The following ANKS1B variants were observed in gnomAD, a reference collection of about 807,000 sequenced individuals.
The protein encoded by ANKS1B is ankyrin repeat and sterile alpha motif domain containing 1B, also known as ankyrin repeat and sterile alpha motif domain-containing protein 1B.
In ANKS1B, 36 loss-of-function variants were observed where a neutral mutation model predicts 148.3. The ratio of observed to expected loss-of-function variants is 0.24; its 90% CI spans 0.19 to 0.32. The LOEUF (loss-of-function observed/expected upper bound fraction) is 0.32. Ranked by LOEUF, ANKS1B falls within the 10% of genes least tolerant of loss-of-function variation. The pLI, the probability that ANKS1B is intolerant of heterozygous loss-of-function variation, is 1.00. For missense variants in ANKS1B, 1,157 were observed against 1,542.6 expected (o/e 0.75, Z 4.19); for synonymous variants, 542 against 560.8 (o/e 0.97, Z 0.47).
intron 12 of ANKS1B, among the ~76,000 whole-genome samples, chr12:99,391,619 G>C (rs1191581510): frequency 6.6e-6 from 1 of 152,192 alleles, no homozygotes; most frequent in Non-Finnish European, 1.5e-5. Context: ...GCTTAGGTAA[G>C]CCAATAGTAT....
At chr12:98,837,295 C>T (rs1438508169) in intron 17 of ANKS1B, among the ~76,000 whole-genome samples, 1 of 151,102 alleles carries the variant, frequency 6.6e-6, no homozygotes, top group Non-Finnish European at 1.5e-5. Context: ...CGAGATTACG[C>T]CACTGCACTC....
chr12:99,921,662 T>G (rs1332926833), intron 1 of ANKS1B, among the ~76,000 whole-genome samples: 2 of 151,976 alleles, frequency 1.3e-5, no homozygotes, highest in African/African-American at 4.8e-5. Flanking sequence ...TCAAAATTAA[T>G]GAACAGAAAA....
intron 9 of ANKS1B, among the ~76,000 whole-genome samples, chr12:99,547,916 T>G (rs1353949669): frequency 6.6e-6 from 1 of 152,206 alleles, no homozygotes; most frequent in African/African-American, 2.4e-5. Flanking sequence ...ACAAAACTGT[T>G]GGCAGAAGAT....
intron 17 of ANKS1B, among the ~76,000 whole-genome samples, chr12:98,896,969 C>G (rs1043653299): frequency 6.6e-6 from 1 of 152,184 alleles, no homozygotes; most frequent in Non-Finnish European, 1.5e-5. Flanking sequence ...GCTGTCATTT[C>G]TTGGCAGTGA....
rs557490123 is a variant in ANKS1B at position 99,461,603 on chromosome 12, C to T, written c.1439-17794G>A. On this transcript the variant is annotated intron_variant, in intron 10 of 26. Transcript: ENST00000683438. ...CAGATGATGCTATAGTCCATACTTC[C>T]TCATAGCTATAATTTATGAACTTCT... Among the ~76,000 whole-genome samples, 5 of 152,156 alleles carry T rather than the reference C, an allele frequency of 3.3e-5. No individual in the cohort carries two copies. The South Asian group carries it at 8.3e-4, about 25-fold the overall frequency.
intron 14 of ANKS1B, among the ~76,000 whole-genome samples, chr12:99,213,093 T>C (rs1018969588): frequency 1.3e-5 from 2 of 152,220 alleles, no homozygotes; most frequent in African/African-American, 4.8e-5. Context: ...AAGTTTCTGC[T>C]ATTTCTCTGT....
intron 25 of ANKS1B, 149 bp downstream of exon 25, chr12:98,772,893 G>A: frequency 1.2e-6 from 1 of 813,966 alleles, no homozygotes; most frequent in Non-Finnish European, 1.8e-6. Context: ...ACTTTGTTAT[G>A]GCAGCCCTAG....
At chr12:99,243,283 T>A (rs995976394) in intron 14 of ANKS1B, among the ~76,000 whole-genome samples, 1 of 152,164 alleles carries the variant, frequency 6.6e-6, no homozygotes, top group African/African-American at 2.4e-5. Context: ...AAAATGCTCA[T>A]CCTCACTGGT....
intron 12 of ANKS1B, among the ~76,000 whole-genome samples, chr12:99,294,362 T>C (rs1282659128): frequency 6.6e-6 from 1 of 152,212 alleles, no homozygotes; most frequent in African/African-American, 2.4e-5. Flanking sequence ...AATGTGATCC[T>C]GTCATTTGCA....
intron 12 of ANKS1B, among the ~76,000 whole-genome samples, chr12:99,342,371 T>C (rs906911137): frequency 3.3e-5 from 5 of 151,416 alleles, no homozygotes; most frequent in Admixed American, 1.3e-4. Flanking sequence ...AAATAGAGTA[T>C]GAGATGTCCT....
intron 12 of ANKS1B, among the ~76,000 whole-genome samples, chr12:99,320,263 C>T (rs1274822241): frequency 1.3e-5 from 2 of 152,178 alleles, no homozygotes; most frequent in African/African-American, 4.8e-5. Flanking sequence ...GGGAAGTTCT[C>T]CTGGATAATA....
chr12:99,629,942 G>C (rs1469894143), intron 9 of ANKS1B, among the ~76,000 whole-genome samples: 2 of 152,040 alleles, frequency 1.3e-5, no homozygotes, highest in Non-Finnish European at 2.9e-5. Flanking sequence ...GCAAAACTAA[G>C]GTTAAAATTT....
intron 19 of ANKS1B, among the ~76,000 whole-genome samples, chr12:98,823,242 G>A (rs937273253): frequency 4.6e-5 from 7 of 152,134 alleles, no homozygotes; most frequent in Admixed American, 1.3e-4. Context: ...AGCTCCTGAC[G>A]GAAGAGCTTA....
chr12:99,058,197 CCTCA>C (rs905029999), intron 16 of ANKS1B, among the ~76,000 whole-genome samples: 7 of 150,430 alleles, frequency 4.7e-5, no homozygotes, highest in African/African-American at 1.7e-4. Flanking sequence ...TCCCAAGCTA[CCTCA>C]CTGTCATGCA....
chr12:99,556,031 T>C (rs960772159), intron 9 of ANKS1B, among the ~76,000 whole-genome samples: 2 of 152,194 alleles, frequency 1.3e-5, no homozygotes, highest in African/African-American at 4.8e-5. Context: ...CTTATACAGC[T>C]GATAGAATGT....
chr12:98,992,385 C>T (rs895364068), intron 17 of ANKS1B, among the ~76,000 whole-genome samples: 1 of 152,108 alleles, frequency 6.6e-6, no homozygotes, highest in Non-Finnish European at 1.5e-5. Flanking sequence ...CAGGGAGGGA[C>T]CTGTAATCCC....
chr12:99,606,607 T>A (rs2097853487), intron 9 of ANKS1B, among the ~76,000 whole-genome samples: 1 of 152,074 alleles, frequency 6.6e-6, no homozygotes, highest in Non-Finnish European at 1.5e-5. Context: ...AATAATCATA[T>A]ATGTTTTCAT....
chr12:98,764,571 A>C (rs2098456174), intron 25 of ANKS1B, among the ~76,000 whole-genome samples: 1 of 152,196 alleles, frequency 6.6e-6, no homozygotes, highest in East Asian at 1.9e-4. Context: ...CACTCACCAG[A>C]TTCAAACCTT....
chr12:99,812,557 AC>A (rs2068547530), intron 2 of ANKS1B, among the ~76,000 whole-genome samples: 2 of 47,546 alleles, frequency 4.2e-5, no homozygotes, highest in Admixed American at 1.9e-4. Context: ...ACACACACAC[AC>A]AGAGAGAGAG....
Sources: gnomAD v4.1 joint callset for allele counts (sites outside exome capture counted in the v4.1 genomes callset) on GRCh38, gnomAD v4.1.1 for gene constraint, MANE v1.5 for transcripts, NCBI Gene and HGNC (gene_info 2026-07-23, HGNC 2026-07-21) for gene names.